Variants in MGAT5 observed in about 807,000 individuals in gnomAD.
The protein encoded by MGAT5 is alpha-1,6-mannosylglycoprotein 6-beta-N-acetylglucosaminyltransferase A.
In MGAT5, 30 loss-of-function variants were observed where a neutral mutation model predicts 94.3. The observed-to-expected ratio is 0.32, with a 90% CI of 0.24 to 0.43. MGAT5 has a LOEUF of 0.43. Ranked by LOEUF, MGAT5 falls within the 20% of genes least tolerant of loss-of-function variation. The pLI, the probability that MGAT5 is intolerant of heterozygous loss-of-function variation, is 1.00. For missense variants in MGAT5, 691 were observed against 905.5 expected (o/e 0.76, Z 3.04); for synonymous variants, 310 against 322.9 (o/e 0.96, Z 0.43).
intron 1 of MGAT5, among the ~76,000 whole-genome samples, chr2:134,143,007 C>G (rs1168931339): frequency 6.6e-6 from 1 of 150,814 alleles, no homozygotes; most frequent in Non-Finnish European, 1.5e-5. Context: ...CCGGAGGGGG[C>G]ATGGGGGTGG....
chr2:134,311,770 G>C (rs528292085), intron 2 of MGAT5, among the ~76,000 whole-genome samples: 2 of 152,268 alleles, frequency 1.3e-5, no homozygotes, highest in South Asian at 4.1e-4. Flanking sequence ...TGTAGTAAGT[G>C]AATGTTTTAT....
chr2:134,352,616 T>C (rs540758839), intron 9 of MGAT5, among the ~76,000 whole-genome samples: 18 of 152,310 alleles, frequency 1.2e-4, no homozygotes, highest in African/African-American at 4.3e-4. Context: ...GATAAAGTTA[T>C]CCAGGGATGG....
intron 2 of MGAT5, among the ~76,000 whole-genome samples, chr2:134,296,615 T>C (rs1024500510): frequency 1.3e-5 from 2 of 151,982 alleles, no homozygotes; most frequent in African/African-American, 2.4e-5. Flanking sequence ...CAGTAAAAAA[T>C]AGAAAATCTT....
At chr2:134,332,564 C>T (rs1688042421) in intron 4 of MGAT5, among the ~76,000 whole-genome samples, 1 of 152,110 alleles carries the variant, frequency 6.6e-6, no homozygotes, top group South Asian at 2.1e-4. Flanking sequence ...AAAGCAATGG[C>T]AACAAAAGCC....
chr2:134,328,666 G>A (rs1205702428), intron 4 of MGAT5, among the ~76,000 whole-genome samples: 2 of 152,044 alleles, frequency 1.3e-5, no homozygotes, highest in Non-Finnish European at 2.9e-5. Flanking sequence ...ACTGCTTTCA[G>A]GACTGGAGAT....
intron 2 of MGAT5, among the ~76,000 whole-genome samples, chr2:134,316,291 C>T (rs765711086): frequency 6.6e-6 from 1 of 152,110 alleles, no homozygotes; most frequent in Non-Finnish European, 1.5e-5. Context: ...GTTGCATCTC[C>T]TGTCTGTCCT....
chr2:134,379,599 T>C (rs113213232), intron 10 of MGAT5, among the ~76,000 whole-genome samples: 57 of 152,318 alleles, frequency 3.7e-4, no homozygotes, highest in African/African-American at 1.3e-3. Flanking sequence ...CTGCCTCTGA[T>C]GGGACAGAGG....
At chr2:134,330,002 T>G (rs1170019088) in intron 4 of MGAT5, among the ~76,000 whole-genome samples, 1 of 152,134 alleles carries the variant, frequency 6.6e-6, no homozygotes, top group African/African-American at 2.4e-5. Flanking sequence ...TTTTTTTTAG[T>G]GTATCCCTTA....
At chr2:134,126,683 T>G (rs2104885333) in intron 1 of MGAT5, among the ~76,000 whole-genome samples, 1 of 152,338 alleles carries the variant, frequency 6.6e-6, no homozygotes, top group South Asian at 2.1e-4. Context: ...GTGAAGCTAT[T>G]TTTTCCCTTG....
chr2:134,329,951 C>A (rs992374042), intron 4 of MGAT5, among the ~76,000 whole-genome samples: 14 of 152,052 alleles, frequency 9.2e-5, no homozygotes, highest in Admixed American at 8.5e-4. Flanking sequence ...GTAGAGGAAT[C>A]GGGAGTTGGC....
At chr2:134,273,930 A>G (rs1206732240) in intron 2 of MGAT5, among the ~76,000 whole-genome samples, 4 of 152,322 alleles carry the variant, frequency 2.6e-5, no homozygotes, top group African/African-American at 9.6e-5. Context: ...TAATTTCTCC[A>G]TATTCACTTT....
chr2:134,230,996 C>A lies in MGAT5; in HGVS notation c.-142-23266C>A, dbSNP rs181982353. Among the ~76,000 whole-genome samples the A allele has an allele frequency of 7.2e-5, 11 of 152,254 alleles. No homozygotes were observed. The East Asian group carries it at 2.1e-3, about 29-fold the overall frequency. ...CACTGATATGTGCTACAACATTGGA[C>A]CTTGTGAAAGAAAGCTGTCAAAGAA... On this transcript the variant is annotated intron_variant, in intron 1 of 16. Transcript: ENST00000409645.
chr2:134,215,317 G>A (rs906922818), intron 1 of MGAT5, among the ~76,000 whole-genome samples: 1 of 152,178 alleles, frequency 6.6e-6, no homozygotes, highest in Non-Finnish European at 1.5e-5. Context: ...GTTAGGTGTT[G>A]CTATAATACA....
At chr2:134,380,721 G>C (rs138576333) in intron 10 of MGAT5, among the ~76,000 whole-genome samples, 1 of 152,092 alleles carries the variant, frequency 6.6e-6, no homozygotes, top group Non-Finnish European at 1.5e-5. Context: ...ATATTGTCCT[G>C]TTTAGCTCTC....
At chr2:134,121,242 C>T (rs1685571805) in intron 1 of MGAT5, among the ~76,000 whole-genome samples, 1 of 152,230 alleles carries the variant, frequency 6.6e-6, no homozygotes, top group Admixed American at 6.5e-5. Context: ...CCCTGCTCCC[C>T]GTGGCGGGGT....
At chr2:134,292,115 A>G (rs1176644894) in intron 2 of MGAT5, among the ~76,000 whole-genome samples, 1 of 152,152 alleles carries the variant, frequency 6.6e-6, no homozygotes, top group Non-Finnish European at 1.5e-5. Context: ...ACATTTCTTT[A>G]TCTTGCAAGG....
chr2:134,193,128 T>TA (rs34484975), intron 1 of MGAT5, among the ~76,000 whole-genome samples: 22,463 of 147,486 alleles, frequency 0.15, 1,890 homozygotes, highest in Admixed American at 0.22. Flanking sequence ...ATTTTTTATT[T>TA]TTTTTTTTTT....
chr2:134,186,774 T>C (rs935195332), intron 1 of MGAT5, among the ~76,000 whole-genome samples: 1 of 152,186 alleles, frequency 6.6e-6, no homozygotes, highest in African/African-American at 2.4e-5. Context: ...TCATTTGACA[T>C]GCATTGATTG....
chr2:134,315,952 G>A (rs1686972704), intron 2 of MGAT5, among the ~76,000 whole-genome samples: 2 of 152,138 alleles, frequency 1.3e-5, no homozygotes, highest in Admixed American at 6.5e-5. Flanking sequence ...ATCCTCCTTA[G>A]CACTAACTTC....
Sources: gnomAD v4.1 joint callset for allele counts (sites outside exome capture counted in the v4.1 genomes callset) on GRCh38, gnomAD v4.1.1 for gene constraint, MANE v1.5 for transcripts, NCBI Gene and HGNC (gene_info 2026-07-23, HGNC 2026-07-21) for gene names.